Variants in CLTC observed in about 807,000 individuals in gnomAD.
CLTC encodes the protein clathrin heavy chain, also known as clathrin heavy chain 1.
Under a neutral mutation model 195.8 loss-of-function variants are expected in CLTC, and 16 were observed. The observed-to-expected ratio is 0.08, with a 90% confidence interval of 0.06 to 0.12. CLTC has a LOEUF of 0.12. Ranked by LOEUF, CLTC falls within the 10% of genes least tolerant of loss-of-function variation. The pLI is 1.00. For synonymous variants in CLTC, 667 were observed against 689.4 expected (o/e 0.97, Z 0.51); for missense variants, 796 against 2,027.0 (o/e 0.39, Z 11.66).
At chr17:59,687,982 T>C (rs973513531) in intron 30 of CLTC, among the ~76,000 whole-genome samples, 14 of 152,148 alleles carry the variant, frequency 9.2e-5, no homozygotes, top group African/African-American at 2.7e-4. Context: ...GGACAATGCC[T>C]TGGGATTATG....
chr17:59,629,872 G>T (rs543255468), intron 1 of CLTC, among the ~76,000 whole-genome samples: 2 of 151,852 alleles, frequency 1.3e-5, no homozygotes, highest in Non-Finnish European at 2.9e-5. Flanking sequence ...TCCTGATAAC[G>T]CAAATAGATT....
chr17:59,648,276 G>A lies in CLTC; in HGVS notation c.556G>A (p.Val186Ile), dbSNP rs367840133. 1.2e-6 allele frequency: 2 copies of A among 1,613,980 alleles called. No homozygotes were observed. Among genetic ancestry groups the A allele is most frequent in the Non-Finnish European group, 1.7e-6 (2 of 1,179,994 alleles). ...GGTGGGAGCTATGCAGCTATATTCT[G>A]TAGATAGGAAAGTGTCTCAGCCCAT... ...RVVGAMQLYS[V>I]DRKVSQPIEG... The change falls in exon 4 of 32, where the codon GTA becomes ATA. Residue 186 changes from valine to isoleucine, a missense_variant. By Grantham distance (29) the Val-to-Ile change is conservative. Coordinates refer to ENST00000269122, the MANE Select transcript of CLTC (RefSeq NM_004859.4). This position sits in a 1 kb window ranked among gnomAD's most constrained non-coding sequence, Gnocchi z 4.5.
chr17:59,619,994 A>G lies in CLTC; in HGVS notation c.-138A>G, dbSNP rs1233956391. The stretch of plus-strand genomic sequence containing the variant: ...ACCCGAGCTCTTTCGTCTGCCTGCC[A>G]GTTTCCTGCGTCCCCGGAGAGGATC... On this transcript the variant is annotated 5_prime_UTR_variant, in exon 1 of 32. Coordinates refer to ENST00000269122, the MANE Select transcript of CLTC (RefSeq NM_004859.4). 7.1e-6 allele frequency: 5 copies of G among 700,108 alleles called. No homozygotes were observed. The highest frequency in any genetic ancestry group is 1.2e-5 in the Non-Finnish European group (5 of 411,774). The allele number at this position is 700,108 out of a possible 1,614,324, so 43.4% of individuals were successfully genotyped here.
At chr17:59,629,144 A>G (rs2031636791) in intron 1 of CLTC, among the ~76,000 whole-genome samples, 1 of 152,196 alleles carries the variant, frequency 6.6e-6, no homozygotes. Context: ...TAGAGAGAAC[A>G]TGGTTTACAA....
At chr17:59,659,366 A>G (rs1468317267) in intron 6 of CLTC, among the ~76,000 whole-genome samples, 4 of 151,950 alleles carry the variant, frequency 2.6e-5, no homozygotes, top group Admixed American at 2.0e-4. Context: ...GAGAGGTTTG[A>G]GGGTAGGTAA....
intron 1 of CLTC, among the ~76,000 whole-genome samples, chr17:59,636,080 G>C (rs1008969737): frequency 9.9e-5 from 15 of 151,728 alleles, no homozygotes; most frequent in Admixed American, 2.6e-4. Context: ...GTTGCTGTGA[G>C]CCGAGATCGT....
intron 14 of CLTC, 67 bp downstream of exon 14, chr17:59,669,007 C>A: frequency 7.1e-7 from 1 of 1,408,446 alleles, no homozygotes; most frequent in African/African-American, 1.5e-5. Flanking sequence ...AGGGTTTGGT[C>A]ATAGTTCAAA....
rs752864190 is a variant in CLTC, at chr17:59,666,062, A to G, written c.1645-41A>G. ...GCATAATTTTGTCTACATACTCTCC[A>G]TAGTATCTTAAAACAATTTCTTTTA... On this transcript the variant is annotated intron_variant, in intron 10 of 31. Coordinates refer to ENST00000269122, the MANE Select transcript of CLTC (RefSeq NM_004859.4). This position sits in a 1 kb window ranked among gnomAD's most constrained non-coding sequence, Gnocchi z 4.9. 1.8e-5 allele frequency: 27 copies of G among 1,488,910 alleles called. No individual in the cohort carries two copies. The East Asian group carries it at 2.7e-4, about 15-fold the overall frequency. The allele number at this position is 1,488,910 out of a possible 1,614,324, so 92.2% of individuals were successfully genotyped here. A position where few individuals can be genotyped will look rare whatever the true frequency, so the allele number is the denominator to read the frequency against.
intron 10 of CLTC, 51 bp downstream of exon 10, chr17:59,664,960 G>C: frequency 6.2e-7 from 1 of 1,600,260 alleles, no homozygotes; most frequent in Non-Finnish European, 8.5e-7. Flanking sequence ...TGGAGAGTGG[G>C]GGCCAGCCAT....
chr17:59,638,105 G>A (rs2031923150), intron 1 of CLTC, among the ~76,000 whole-genome samples: 1 of 152,076 alleles, frequency 6.6e-6, no homozygotes, highest in Non-Finnish European at 1.5e-5. Context: ...ATGGACAGCT[G>A]AATTAAGCAG....
At chr17:59,629,525 T>A (rs1469066234) in intron 1 of CLTC, among the ~76,000 whole-genome samples, 1 of 148,756 alleles carries the variant, frequency 6.7e-6, no homozygotes, top group Admixed American at 6.7e-5. Context: ...ATAATTTTTT[T>A]TTTTTTTTTT....
At chr17:59,640,676 G>A (rs1235525142) in intron 1 of CLTC, among the ~76,000 whole-genome samples, 4 of 151,850 alleles carry the variant, frequency 2.6e-5, no homozygotes, top group African/African-American at 2.4e-5. Flanking sequence ...TGGGATTACA[G>A]GCATGAGCCA....
In CLTC at chr17:59,681,621, C is replaced by T; in HGVS notation, c.3250-26C>T. 1 of 1,594,944 alleles carries T rather than the reference C, an allele frequency of 6.3e-7. No homozygotes were observed. Among genetic ancestry groups the T allele is most frequent in the Non-Finnish European group, 8.6e-7 (1 of 1,167,490 alleles). Reference sequence around the variant, plus strand: ...TTGGGTAGGATTGATTTTACTCTAACCCTAATTTCAAACTTGGATACTTAG... The same window carrying T: ...TTGGGTAGGATTGATTTTACTCTAATCCTAATTTCAAACTTGGATACTTAG... On this transcript the variant is annotated intron_variant, in intron 20 of 31. Transcript: ENST00000269122. This position sits in a 1 kb window ranked among gnomAD's most constrained non-coding sequence, Gnocchi z 5.0.
At chr17:59,644,990 A>G (rs2032152220) in intron 2 of CLTC, among the ~76,000 whole-genome samples, 1 of 152,252 alleles carries the variant, frequency 6.6e-6, no homozygotes, top group African/African-American at 2.4e-5. Flanking sequence ...CTTGGAATGT[A>G]TCTGTGGAAT....
At chr17:59,627,339 T>G (rs1255368797) in intron 1 of CLTC, among the ~76,000 whole-genome samples, 2 of 152,254 alleles carry the variant, frequency 1.3e-5, no homozygotes, top group Non-Finnish European at 2.9e-5. Context: ...GTTTATTATC[T>G]CATTTAATTA....
At chr17:59,632,734 C>A (rs374579955) in intron 1 of CLTC, among the ~76,000 whole-genome samples, 1 of 152,044 alleles carries the variant, frequency 6.6e-6, no homozygotes, top group African/African-American at 2.4e-5. Flanking sequence ...GTTTTTTAAC[C>A]CTGAATTTTA....
intron 1 of CLTC, among the ~76,000 whole-genome samples, chr17:59,621,396 A>G (rs2031373561): frequency 6.6e-6 from 1 of 152,246 alleles, no homozygotes; most frequent in Non-Finnish European, 1.5e-5. Flanking sequence ...GTTTGACATG[A>G]CACTGATATC....
intron 5 of CLTC, among the ~76,000 whole-genome samples, chr17:59,652,934 A>G (rs1027493478): frequency 1.3e-5 from 2 of 152,130 alleles, no homozygotes; most frequent in African/African-American, 4.8e-5. Context: ...TCTTCCATAT[A>G]ACTTGCTGCA....
Position 59,658,509 on chromosome 17 carries a change from G to A in CLTC, c.970-1882G>A, listed in dbSNP as rs759453227. ...TTGAGTAAAGAGATGAGTATTTACA[G>A]TAACCTTAGGGCTTTCTTCTACTCT... On this transcript the variant is annotated intron_variant, in intron 6 of 31. Transcript: ENST00000269122. 8.3e-4 allele frequency among the ~76,000 whole-genome samples: 126 copies of A among 152,198 alleles called. 1 individual carries two copies. The highest frequency in any genetic ancestry group is 1.5e-3 in the Non-Finnish European group (101 of 68,038).
Sources: gnomAD v4.1 joint callset for allele counts (sites outside exome capture counted in the v4.1 genomes callset) on GRCh38, gnomAD v4.1.1 for gene constraint, Gnocchi (gnomAD v3.1) non-coding constraint, MANE v1.5 for transcripts, NCBI Gene and HGNC (gene_info 2026-07-23, HGNC 2026-07-21) for gene names.